The following KIF26B variants were observed in gnomAD, a reference collection of about 807,000 sequenced individuals.
KIF26B encodes the protein kinesin family member 26B, also known as kinesin-like protein KIF26B.
Under a neutral mutation model 151.2 loss-of-function variants are expected in KIF26B, and 63 were observed. The observed-to-expected ratio is 0.42, with a 90% CI of 0.34 to 0.51. The LOEUF is 0.51. Ranked by LOEUF, KIF26B falls within the 20% of genes least tolerant of loss-of-function variation. The probability of loss-of-function intolerance (pLI) is 0.07; values close to 1 mark genes in which losing one functional copy is unlikely to be tolerated. For synonymous variants in KIF26B, 1,357 were observed against 1,262.1 expected (o/e 1.08, Z -1.59); for missense variants, 2,813 against 2,913.6 (o/e 0.97, Z 0.79).
In KIF26B at chr1:245,685,689, C is replaced by G. The variant is rs1415980999; in HGVS notation, c.2706C>G (p.Asp902Glu). The G allele has an allele frequency of 1.2e-6, 2 of 1,612,878 alleles. No individual in the cohort carries two copies. Among genetic ancestry groups the G allele is most frequent in the Admixed American group, 1.7e-5 (1 of 59,974 alleles). ...CAGCCCTGCAGAAGACCCGGGGCGACAGCCGGCCCGCAGAGGCAGGAGAGG... is the reference window on the plus strand; with the variant it reads ...CAGCCCTGCAGAAGACCCGGGGCGAGAGCCGGCCCGCAGAGGCAGGAGAGG... ...IVPALQKTRG[D>E]SRPAEAGEAA... The change falls in exon 12 of 15, where the codon GAC becomes GAG. Residue 902 changes from aspartate to glutamate, a missense_variant. Physicochemically the swap from Asp to Glu is conservative, Grantham distance 45. This residue lies in a region of KIF26B where 2,060 missense variants were observed against 2,088.6 expected (regional missense o/e 0.99). Transcript: ENST00000407071.
intron 2 of KIF26B, among the ~76,000 whole-genome samples, chr1:245,273,273 C>G (rs1177175110): frequency 6.6e-6 from 1 of 152,070 alleles, no homozygotes; most frequent in Non-Finnish European, 1.5e-5. Flanking sequence ...CAAAAATTAG[C>G]TGGATGTTGT....
chr1:245,326,531 G>A (rs1473703963), intron 2 of KIF26B, among the ~76,000 whole-genome samples: 1 of 152,198 alleles, frequency 6.6e-6, no homozygotes, highest in Non-Finnish European at 1.5e-5. Flanking sequence ...ACCACTGTTT[G>A]TTTTCCATTT....
chr1:245,365,606 T>G (rs890040576), intron 2 of KIF26B, among the ~76,000 whole-genome samples: 1 of 151,740 alleles, frequency 6.6e-6, no homozygotes, highest in Admixed American at 6.6e-5. Context: ...GAAGGGCAGA[T>G]TTTCTCCCTA....
chr1:245,447,928 A>G (rs532975003), intron 4 of KIF26B, among the ~76,000 whole-genome samples: 2 of 152,282 alleles, frequency 1.3e-5, no homozygotes, highest in African/African-American at 2.4e-5. Flanking sequence ...CTGTAACACT[A>G]CTGGAGCTGT....
At chr1:245,421,098 G>C (rs961052543) in intron 4 of KIF26B, among the ~76,000 whole-genome samples, 5 of 152,208 alleles carry the variant, frequency 3.3e-5, no homozygotes, top group Non-Finnish European at 7.3e-5. Context: ...GCCCTGTCTG[G>C]ACATGAATCT....
At chr1:245,641,558 A>T (rs2043892362) in intron 9 of KIF26B, among the ~76,000 whole-genome samples, 1 of 151,656 alleles carries the variant, frequency 6.6e-6, no homozygotes, top group African/African-American at 2.4e-5. Flanking sequence ...TCTATTTTCA[A>T]ATAGTCTTGT....
At chr1:245,595,795 C>CT (rs200385100) in intron 5 of KIF26B, among the ~76,000 whole-genome samples, 23,525 of 151,932 alleles carry the variant, frequency 0.15, 2,404 homozygotes, top group African/African-American at 0.29. Context: ...TGGTCCTGGG[C>CT]TTTTTTTGGT....
intron 2 of KIF26B, among the ~76,000 whole-genome samples, chr1:245,217,810 C>G (rs1486154858): frequency 6.6e-6 from 1 of 152,162 alleles, no homozygotes; most frequent in East Asian, 1.9e-4. Context: ...AACCAAAGTT[C>G]AGAGCACAGG....
chr1:245,474,403 T>A (rs1475806640), intron 4 of KIF26B, among the ~76,000 whole-genome samples: 2 of 141,438 alleles, frequency 1.4e-5, no homozygotes, highest in Admixed American at 7.1e-5. Context: ...CCACTGCTCC[T>A]GGCTTTTTTT....
chr1:245,663,749 G>T (rs114087035), intron 10 of KIF26B, among the ~76,000 whole-genome samples: 1 of 152,066 alleles, frequency 6.6e-6, no homozygotes, highest in Non-Finnish European at 1.5e-5. Flanking sequence ...ATGTAATTCA[G>T]ACCAGGGTTC....
chr1:245,353,789 T>C (rs1383265055), intron 2 of KIF26B: 2 of 152,598 alleles, frequency 1.3e-5, no homozygotes, highest in African/African-American at 4.8e-5. Context: ...TCAGACCTTT[T>C]CACTAAGGAT....
At position 245,285,691 on chromosome 1, in the gene KIF26B, C is replaced by T. The variant is rs902383396; in HGVS notation, c.466-81143C>T. 4.7e-5 allele frequency among the ~76,000 whole-genome samples: 7 copies of T among 149,010 alleles called. No individual in the cohort carries two copies. The East Asian group carries it at 1.2e-3, about 25-fold the overall frequency. On this transcript the variant is annotated intron_variant, in intron 2 of 14. Coordinates refer to ENST00000407071, the MANE Select transcript of KIF26B (RefSeq NM_018012.4). ...GTGGTAGTGGCTCATGCCTGTAATC[C>T]CAGTACTCTGGGAGGCCGAGGAGGG...
At chr1:245,212,362 G>A (rs997079979) in intron 2 of KIF26B, among the ~76,000 whole-genome samples, 15 of 152,220 alleles carry the variant, frequency 9.9e-5, no homozygotes, top group Admixed American at 3.9e-4. Context: ...ACACCCTGCC[G>A]CCCGTGCCAC....
At position 245,166,169 on chromosome 1, in the gene KIF26B, A is replaced by G. The variant is rs74155261; in HGVS notation, c.465+9486A>G. Among the ~76,000 whole-genome samples the G allele has an allele frequency of 9.9e-3, 1,503 of 152,274 alleles. 36 individuals are homozygous for G. Among genetic ancestry groups the G allele is most frequent in the African/African-American group, 0.034 (1,420 of 41,534 alleles). ...ATCGTGAGGATTAGGTGAAATTGTG[A>G]GATGCTAGTCAACCATCGCTTTCTG... On this transcript the variant is annotated intron_variant, in intron 2 of 14. Coordinates refer to ENST00000407071, the MANE Select transcript of KIF26B (RefSeq NM_018012.4). The surrounding 1 kb of genome is among the most constrained non-coding windows in gnomAD (Gnocchi z 4.5).
In KIF26B at chr1:245,465,063, C is replaced by G. The variant is rs550648970; in HGVS notation, c.1166+45318C>G. Among the ~76,000 whole-genome samples, 337 of 146,004 alleles carry G rather than the reference C, an allele frequency of 2.3e-3. 3 individuals are homozygous for G. The highest frequency in any genetic ancestry group is 8.2e-3 in the African/African-American group (322 of 39,328). ...GCGCGATCTCGGCTCACTGCAAGCT[C>G]CGCCTCCCGGGTTCACGCCATTCTC... On this transcript the variant is annotated intron_variant, in intron 4 of 14. Transcript: ENST00000407071.
chr1:245,211,781 G>T (rs973507357), intron 2 of KIF26B, among the ~76,000 whole-genome samples: 1 of 152,170 alleles, frequency 6.6e-6, no homozygotes, highest in Non-Finnish European at 1.5e-5. Flanking sequence ...CCACAAACAG[G>T]GGAAGAACTT....
intron 4 of KIF26B, among the ~76,000 whole-genome samples, chr1:245,478,430 A>AGTTT (rs1660088316): frequency 7.8e-6 from 1 of 128,626 alleles, no homozygotes; most frequent in African/African-American, 2.9e-5. Flanking sequence ...TCTGACTCGC[A>AGTTT]TTTTTTTTTT....
intron 5 of KIF26B, among the ~76,000 whole-genome samples, chr1:245,561,667 C>G (rs1349370156): frequency 1.3e-5 from 2 of 152,178 alleles, no homozygotes; most frequent in African/African-American, 4.8e-5. Flanking sequence ...TTGTACATAA[C>G]TCATTTGCAT....
chr1:245,470,412 T>G (rs1338190079), intron 4 of KIF26B, among the ~76,000 whole-genome samples: 1 of 148,284 alleles, frequency 6.7e-6, no homozygotes, highest in African/African-American at 2.5e-5. Context: ...ACCATTTTTC[T>G]GAAGCATAAT....
Sources: allele counts gnomAD v4.1 joint callset (sites outside exome capture counted in the v4.1 genomes callset), GRCh38; gene constraint gnomAD v4.1.1; regional missense constraint gnomAD v4.1.1; non-coding constraint Gnocchi (gnomAD v3.1); transcripts MANE v1.5; gene names NCBI Gene and HGNC (gene_info 2026-07-23, HGNC 2026-07-21).